RBFOX3: variants seen among roughly 807,000 people sequenced by gnomAD.
RBFOX3 encodes RNA binding protein fox-1 homolog 3.
A neutral mutation model predicts 48.7 loss-of-function variants in RBFOX3; 17 were observed. The ratio of observed to expected loss-of-function variants is 0.35; its 90% CI spans 0.24 to 0.52. The LOEUF (loss-of-function observed/expected upper bound fraction) is 0.52. Among genes scored for constraint, RBFOX3 ranks in the 20% least tolerant of loss-of-function variants. The pLI is 0.94. For missense variants in RBFOX3, 382 were observed against 497.5 expected (o/e 0.77, Z 2.21); for synonymous variants, 212 against 209.5 (o/e 1.01, Z -0.10).
At chr17:79,444,136 G>A (rs182040653) in intron 2 of RBFOX3, among the ~76,000 whole-genome samples, 1 of 152,278 alleles carries the variant, frequency 6.6e-6, no homozygotes, top group East Asian at 1.9e-4. Context: ...GATACATTGA[G>A]AGGGACAAGG....
chr17:79,534,338 G>A (rs1267162703), intron 1 of RBFOX3, among the ~76,000 whole-genome samples: 2 of 152,214 alleles, frequency 1.3e-5, no homozygotes, highest in Non-Finnish European at 2.9e-5. Flanking sequence ...TTCTGAGGCT[G>A]TAGGATTGCA....
At chr17:79,585,553 T>G (rs1173488813) in intron 1 of RBFOX3, among the ~76,000 whole-genome samples, 1 of 151,964 alleles carries the variant, frequency 6.6e-6, no homozygotes, top group Non-Finnish European at 1.5e-5. Context: ...GCGAGACTCC[T>G]TCTCAAAAAT....
chr17:79,435,962 A>G (rs2069360468), intron 2 of RBFOX3, among the ~76,000 whole-genome samples: 1 of 152,238 alleles, frequency 6.6e-6, no homozygotes, highest in African/African-American at 2.4e-5. Context: ...CACAGACTGC[A>G]TTCCAAATCC....
chr17:79,393,715 CGGTCATCATACACATCATCTGAGCT>C (rs2061633899), intron 2 of RBFOX3, among the ~76,000 whole-genome samples: 1 of 148,144 alleles, frequency 6.8e-6, no homozygotes, highest in Non-Finnish European at 1.5e-5. Context: ...ACATCTGAGC[CGGTCATCATACACATCATCTGAGCT>C]GGTCATCACG....
chr17:79,661,595 C>A, the RBFOX3 span, among the ~76,000 whole-genome samples: 26 of 152,214 alleles, frequency 1.7e-4, no homozygotes, highest in Non-Finnish European at 3.7e-4. Context: ...TCTGGGCTTG[C>A]ATTTCTGGCA....
intron 4 of RBFOX3, among the ~76,000 whole-genome samples, chr17:79,213,375 C>T (rs2147182279): frequency 6.6e-6 from 1 of 152,318 alleles, no homozygotes; most frequent in Admixed American, 6.5e-5. Context: ...GCTGTGTCTT[C>T]ACCAGCAGTC....
intron 2 of RBFOX3, among the ~76,000 whole-genome samples, chr17:79,339,999 G>A (rs1364842110): frequency 2.0e-5 from 3 of 152,162 alleles, no homozygotes; most frequent in Non-Finnish European, 2.9e-5. Flanking sequence ...CCCTACTGAT[G>A]TTAAACTTCT....
chr17:79,166,432 G>T (rs1215578138), intron 4 of RBFOX3, among the ~76,000 whole-genome samples: 1 of 152,022 alleles, frequency 6.6e-6, no homozygotes, highest in Admixed American at 6.5e-5. Context: ...TCTGAACCAA[G>T]ATCAAAAGAC....
chr17:79,288,383 C>T (rs573818507), intron 3 of RBFOX3, among the ~76,000 whole-genome samples: 2 of 152,310 alleles, frequency 1.3e-5, no homozygotes, highest in African/African-American at 4.8e-5. Flanking sequence ...AAAGAAAGTC[C>T]TCCCATGACT....
chr17:79,277,892 G>A (rs953332808), intron 3 of RBFOX3, among the ~76,000 whole-genome samples: 33 of 152,222 alleles, frequency 2.2e-4, no homozygotes, highest in Admixed American at 1.6e-3. Flanking sequence ...GGGGATGGGA[G>A]GTTGTCTCTG....
chr17:79,351,679 A>G (rs1156578235), intron 2 of RBFOX3, among the ~76,000 whole-genome samples: 2 of 151,842 alleles, frequency 1.3e-5, no homozygotes, highest in Non-Finnish European at 1.5e-5. Flanking sequence ...TTTAAAAGTG[A>G]GCCATTTGCC....
the RBFOX3 span, among the ~76,000 whole-genome samples, chr17:79,637,555 C>T: frequency 3.0e-4 from 45 of 151,624 alleles, no homozygotes; most frequent in Admixed American, 2.8e-3. Flanking sequence ...ATTAGCCTGG[C>T]GTGGTGGCAC....
intron 4 of RBFOX3, among the ~76,000 whole-genome samples, chr17:79,132,524 G>A (rs993183600): frequency 6.6e-5 from 10 of 152,336 alleles, no homozygotes; most frequent in African/African-American, 2.4e-4. Flanking sequence ...AGGAAACAGC[G>A]TACATTGCTG....
At chr17:79,532,199 A>AGGGGGG (rs1281588730) in intron 1 of RBFOX3, among the ~76,000 whole-genome samples, 1 of 141,762 alleles carries the variant, frequency 7.1e-6, no homozygotes, top group African/African-American at 2.9e-5. Flanking sequence ...ACTGCACTGG[A>AGGGGGG]GGGGGGAGGG....
rs1446578605 is a variant in RBFOX3 at position 79,220,080 on chromosome 17, C to T, written c.-34+15686G>A. On this transcript the variant is annotated intron_variant, in intron 4 of 14. Transcript: ENST00000693108. This position sits in a 1 kb window ranked among gnomAD's most constrained non-coding sequence, Gnocchi z 5.9. ...AAGGGTGGCATGGCCTGGGAAGGCA[C>T]GGGGTGGGGGGGTGGGGGGAGCACG... is the stretch of plus-strand genomic sequence containing the variant. Among the ~76,000 whole-genome samples, 2 of 28,318 alleles carry T rather than the reference C, an allele frequency of 7.1e-5. No individual in the cohort carries two copies. The highest frequency in any genetic ancestry group is 1.5e-4 in the Non-Finnish European group (2 of 13,406). 18.6% of individuals were successfully genotyped at this position (28,318 alleles called of 152,430 possible).
chr17:79,160,154 G>A (rs563498812), intron 4 of RBFOX3, among the ~76,000 whole-genome samples: 1 of 152,270 alleles, frequency 6.6e-6, no homozygotes, highest in Non-Finnish European at 1.5e-5. Context: ...TGAAGCTGGG[G>A]ATTAGCAGAC....
intron 2 of RBFOX3, among the ~76,000 whole-genome samples, chr17:79,436,690 G>A (rs140958794): frequency 2.0e-5 from 3 of 152,288 alleles, no homozygotes; most frequent in African/African-American, 7.2e-5. Flanking sequence ...GCCTGCTTAT[G>A]TTTTAAAGGG....
At chr17:79,637,117 T>A in the RBFOX3 span, among the ~76,000 whole-genome samples, 1 of 152,184 alleles carries the variant, frequency 6.6e-6, no homozygotes, top group Non-Finnish European at 1.5e-5. Context: ...AATATAAGTC[T>A]ATATGCACTC....
intron 1 of RBFOX3, among the ~76,000 whole-genome samples, chr17:79,499,959 C>T (rs1344837300): frequency 6.6e-6 from 1 of 152,234 alleles, no homozygotes; most frequent in African/African-American, 2.4e-5. Flanking sequence ...CTTCCCTACC[C>T]TCTATGAATC....
Sources: allele counts gnomAD v4.1 joint callset (sites outside exome capture counted in the v4.1 genomes callset), GRCh38; gene constraint gnomAD v4.1.1; non-coding constraint Gnocchi (gnomAD v3.1); transcripts MANE v1.5; gene names NCBI Gene and HGNC (gene_info 2026-07-23, HGNC 2026-07-21).